Variants in SYNPR observed in about 807,000 individuals in gnomAD.
SYNPR encodes the protein synaptoporin.
Under a neutral mutation model 32.9 loss-of-function variants are expected in SYNPR, and 23 were observed. The ratio of observed to expected loss-of-function variants is 0.70; its 90% CI spans 0.50 to 0.99. The LOEUF (loss-of-function observed/expected upper bound fraction) is 0.99, where lower values mean the gene tolerates loss of function less well. Among genes scored for constraint, SYNPR ranks in the 50% least tolerant of loss-of-function variants. The probability of loss-of-function intolerance (pLI) is 0.00; values close to 1 mark genes in which losing one functional copy is unlikely to be tolerated. For missense variants in SYNPR, 318 were observed against 349.3 expected, an observed-to-expected ratio of 0.91 and a Z score of 0.71; for synonymous variants, 146 against 135.9, an observed-to-expected ratio of 1.07 and a Z score of -0.52.
Position 63,556,623 on chromosome 3 carries a change from C to T in SYNPR, c.290C>T (p.Ser97Phe). ...CTGGCATTGATTGGTGACTCCTCGTCTTCAGCAGAGTTCTTCGTCACTGTT... is the reference window on the plus strand; with the variant it reads ...CTGGCATTGATTGGTGACTCCTCGTTTTCAGCAGAGTTCTTCGTCACTGTT... ...QKLALIGDSS[S>F]SAEFFVTVAV... The change falls in exon 4 of 6, where the codon TCT (serine) becomes TTT (phenylalanine). Residue 97 changes from serine (S) to phenylalanine (F), a missense_variant. Coordinates refer to ENST00000478300, the MANE Select transcript of SYNPR (RefSeq NM_001130003.2). The T allele has an allele frequency of 6.2e-7, 1 of 1,613,874 alleles. No individual in the cohort carries two copies. The highest frequency in any genetic ancestry group is 8.5e-7 in the Non-Finnish European group (1 of 1,179,838).
chr3:63,429,523 T>G (rs1217817212), intron 2 of SYNPR, among the ~76,000 whole-genome samples: 1 of 152,222 alleles, frequency 6.6e-6, no homozygotes, highest in Non-Finnish European at 1.5e-5. Flanking sequence ...ATAGACATGA[T>G]TTCTGATAGT....
At chr3:63,304,485 A>G (rs1213497947) in intron 2 of SYNPR, among the ~76,000 whole-genome samples, 1 of 151,994 alleles carries the variant, frequency 6.6e-6, no homozygotes, top group Non-Finnish European at 1.5e-5. Flanking sequence ...AAATGGCATA[A>G]CCTACAAAGG....
Position 63,403,435 on chromosome 3 carries a change from T to TACAC in SYNPR, c.85-77395_85-77392dup, listed in dbSNP as rs770658786. On this transcript the variant is annotated intron_variant, in intron 2 of 5. Coordinates refer to ENST00000478300, the MANE Select transcript of SYNPR (RefSeq NM_001130003.2). ...ACACACACATTCTCATACGTATGTA[T>TACAC]ACACATACACACACACACACACACA... is the stretch of plus-strand genomic sequence containing the variant. 7.7e-3 allele frequency among the ~76,000 whole-genome samples: 882 copies of TACAC among 114,874 alleles called. 2 individuals carry two copies. The highest frequency in any genetic ancestry group is 0.016 in the Admixed American group (184 of 11,476). The allele number at this position is 114,874 out of a possible 152,430, so 75.4% of individuals were successfully genotyped here. A position where few individuals can be genotyped will look rare whatever the true frequency, so the allele number is the denominator to read the frequency against.
At chr3:63,385,410 G>C (rs13088965) in intron 2 of SYNPR, among the ~76,000 whole-genome samples, 16,995 of 152,092 alleles carry the variant, frequency 0.11, 1,451 homozygotes, top group East Asian at 0.44. Flanking sequence ...TTTTCCGATG[G>C]TGTGATTCAA....
chr3:63,545,193 G>A (rs892538573), intron 3 of SYNPR, among the ~76,000 whole-genome samples: 8 of 152,104 alleles, frequency 5.3e-5, no homozygotes, highest in Non-Finnish European at 1.2e-4. Flanking sequence ...GTAATGGGTA[G>A]AGGGAGGAAT....
At chr3:63,536,993 A>G (rs1702220851) in intron 3 of SYNPR, among the ~76,000 whole-genome samples, 1 of 152,072 alleles carries the variant, frequency 6.6e-6, no homozygotes, top group Non-Finnish European at 1.5e-5. Flanking sequence ...TTTTTGGGGA[A>G]ATGAAAATGT....
intron 2 of SYNPR, among the ~76,000 whole-genome samples, chr3:63,391,225 T>C (rs1328044674): frequency 6.6e-6 from 1 of 152,164 alleles, no homozygotes; most frequent in Non-Finnish European, 1.5e-5. Flanking sequence ...GGGGGCCCAC[T>C]CACCCTAGAC....
chr3:63,531,058 A>G (rs921447526), intron 3 of SYNPR, among the ~76,000 whole-genome samples: 2 of 152,084 alleles, frequency 1.3e-5, no homozygotes, highest in Admixed American at 6.6e-5. Context: ...GAAATTAAGG[A>G]GATGCTGAAA....
intron 2 of SYNPR, among the ~76,000 whole-genome samples, chr3:63,437,783 C>T (rs13085353): frequency 0.099 from 15,049 of 152,142 alleles, 1,023 homozygotes; most frequent in Admixed American, 0.23. Context: ...GAACCCATCA[C>T]GGGGACTAAG....
chr3:63,469,544 A>T (rs1700757367), intron 2 of SYNPR, among the ~76,000 whole-genome samples: 1 of 152,016 alleles, frequency 6.6e-6, no homozygotes, highest in Admixed American at 6.6e-5. Context: ...AATTCAGAAG[A>T]CTCTCTCTAA....
At position 63,609,242 on chromosome 3, in the gene SYNPR, T is replaced by C; in HGVS notation, c.526T>C (p.Ser176Pro). 6.2e-7 allele frequency: 1 copy of C among 1,607,676 alleles called. No homozygotes were observed. Among genetic ancestry groups the C allele is most frequent in the Non-Finnish European group, 8.5e-7 (1 of 1,176,746 alleles). Residue 176 changes from serine (S) to proline (P), a missense_variant, in exon 5 of 6, where the codon TCA (serine) becomes CCA (proline). By Grantham distance (74) the Ser-to-Pro change is moderately conservative. Coordinates refer to ENST00000478300, the MANE Select transcript of SYNPR (RefSeq NM_001130003.2). ...TDPKEVLLLM[S>P]ACKQPSNKCM... ...TCCCAAGGAAGTATTGCTACTAATG[T>C]CAGCTTGCAAACAGCCATCCAACAA...
chr3:63,240,994 T>C (rs1178620081), intron 1 of SYNPR, among the ~76,000 whole-genome samples: 2 of 151,994 alleles, frequency 1.3e-5, no homozygotes, highest in Admixed American at 6.6e-5. Context: ...AGCAGGATAG[T>C]AAAATGACCC....
At chr3:63,494,257 G>C (rs74321361) in intron 3 of SYNPR, among the ~76,000 whole-genome samples, 5,371 of 150,794 alleles carry the variant, frequency 0.036, 128 homozygotes, top group African/African-American at 0.06. Flanking sequence ...GTGAACAGTA[G>C]CACTTTCACA....
intron 5 of SYNPR, among the ~76,000 whole-genome samples, chr3:63,613,332 T>C (rs1700229449): frequency 6.6e-6 from 1 of 152,038 alleles, no homozygotes; most frequent in Admixed American, 6.6e-5. Flanking sequence ...ATTAGAGTTT[T>C]GTCAGTAGTT....
At chr3:63,277,199 A>C (rs897479236), upstream of SYNPR, among the ~76,000 whole-genome samples, 4 of 152,122 alleles carry the variant, frequency 2.6e-5, no homozygotes, top group African/African-American at 9.7e-5. Context: ...TGGGCAGGCC[A>C]CTATCCTTCC....
chr3:63,539,044 C>T (rs1254611600), intron 3 of SYNPR, among the ~76,000 whole-genome samples: 1 of 152,122 alleles, frequency 6.6e-6, no homozygotes, highest in Non-Finnish European at 1.5e-5. Context: ...TTGCTCTCAT[C>T]ATTTGCTTAG....
chr3:63,493,349 T>TG (rs1282115486), intron 3 of SYNPR, among the ~76,000 whole-genome samples: 24 of 152,238 alleles, frequency 1.6e-4, no homozygotes, highest in African/African-American at 5.1e-4. Context: ...CATCAGGGCT[T>TG]GGAGTGTCAT....
intron 2 of SYNPR, among the ~76,000 whole-genome samples, chr3:63,313,928 CATAT>C (rs763145148): frequency 1.1e-3 from 2 of 1,844 alleles, no homozygotes; most frequent in African/African-American, 2.3e-3. Context: ...TATATATATC[CATAT>C]ATATATATAT....
chr3:63,479,446 G>GCGCA (rs6147854), intron 2 of SYNPR, among the ~76,000 whole-genome samples: 20,903 of 135,796 alleles, frequency 0.15, 1,527 homozygotes, highest in Non-Finnish European at 0.19. Context: ...CCACACACAT[G>GCGCA]CACACACACA....
Sources: allele counts gnomAD v4.1 joint callset (sites outside exome capture counted in the v4.1 genomes callset), GRCh38; gene constraint gnomAD v4.1.1; transcripts MANE v1.5; gene names NCBI Gene and HGNC (gene_info 2026-07-23, HGNC 2026-07-21).